The following ERC2 variants were observed in gnomAD, a reference collection of about 807,000 sequenced individuals.
The protein encoded by ERC2 is ELKS/RAB6-interacting/CAST family member 2.
Under a neutral mutation model 114.8 loss-of-function variants are expected in ERC2, and 42 were observed. The observed-to-expected ratio is 0.37, with a 90% CI of 0.29 to 0.47. The LOEUF (loss-of-function observed/expected upper bound fraction) is 0.47. ERC2 is among the 20% of genes least tolerant of loss of function. The probability of loss-of-function intolerance (pLI) is 0.99; values close to 1 mark genes in which losing one functional copy is unlikely to be tolerated. For synonymous variants in ERC2, 454 were observed against 425.5 expected, an observed-to-expected ratio of 1.07 and a Z score of -0.82; for missense variants, 939 against 1,150.7, an observed-to-expected ratio of 0.82 and a Z score of 2.66.
chr3:55,946,285 A>T (rs552999824), intron 13 of ERC2, among the ~76,000 whole-genome samples: 12 of 152,312 alleles, frequency 7.9e-5, no homozygotes, highest in African/African-American at 2.9e-4. Flanking sequence ...CAAGAAAATC[A>T]CGATCTTTCA....
At chr3:56,362,546 A>C (rs951311793) in intron 2 of ERC2, among the ~76,000 whole-genome samples, 8 of 152,244 alleles carry the variant, frequency 5.3e-5, no homozygotes, top group Non-Finnish European at 1.0e-4. Context: ...GCCACACTCT[A>C]GTTCTGGAAT....
rs1321336686 is a variant in ERC2, at chr3:55,853,233, A to T, written c.2564+35156T>A. The stretch of plus-strand genomic sequence containing the variant: ...CTGAAAATTAAAAGATACACATAGA[A>T]AGCACTCAGGAGGCTGGGTGTGGTG... On this transcript the variant is annotated intron_variant, in intron 14 of 17. Transcript: ENST00000288221. Among the ~76,000 whole-genome samples, 3 of 152,160 alleles carry T rather than the reference A, an allele frequency of 2.0e-5. No individual in the cohort carries two copies. The East Asian group carries it at 5.8e-4, about 29-fold the overall frequency.
chr3:55,525,478 T>A (rs641035), intron 17 of ERC2, among the ~76,000 whole-genome samples: 57,897 of 151,990 alleles, frequency 0.38, 12,081 homozygotes, highest in African/African-American at 0.56. Context: ...CCAGCAAACA[T>A]TCCTCATAGA....
At chr3:56,387,933 ATCT>A (rs1232294388) in intron 2 of ERC2, among the ~76,000 whole-genome samples, 6 of 152,158 alleles carry the variant, frequency 3.9e-5, no homozygotes, top group Non-Finnish European at 7.3e-5. Context: ...ACAGATAAAT[ATCT>A]TCTTATTACA....
chr3:55,666,130 C>T (rs1169340694), intron 17 of ERC2, among the ~76,000 whole-genome samples: 2 of 152,164 alleles, frequency 1.3e-5, no homozygotes, highest in Non-Finnish European at 2.9e-5. Flanking sequence ...GAAACAGGCA[C>T]TCAGATTAAA....
chr3:56,222,473 C>T (rs2049976153), intron 3 of ERC2, among the ~76,000 whole-genome samples: 1 of 152,190 alleles, frequency 6.6e-6, no homozygotes, highest in African/African-American at 2.4e-5. Context: ...TTATTCTTCT[C>T]TCAATTCTCA....
chr3:56,152,718 GA>G (rs1256445734), intron 4 of ERC2, among the ~76,000 whole-genome samples: 8 of 152,116 alleles, frequency 5.3e-5, no homozygotes, highest in Middle Eastern at 6.8e-3. Context: ...CTTCAGTTAG[GA>G]AAAAAGATCT....
intron 12 of ERC2, among the ~76,000 whole-genome samples, chr3:55,984,035 A>C (rs559306132): frequency 6.6e-6 from 1 of 152,328 alleles, no homozygotes; most frequent in African/African-American, 2.4e-5. Flanking sequence ...CTACACTAAA[A>C]ATATAACCAG....
intron 3 of ERC2, among the ~76,000 whole-genome samples, chr3:56,285,878 G>A (rs2054665149): frequency 1.3e-5 from 2 of 152,166 alleles, no homozygotes; most frequent in South Asian, 4.1e-4. Context: ...GGAGGAGGAG[G>A]AATAGGAGGA....
intron 3 of ERC2, among the ~76,000 whole-genome samples, chr3:56,242,424 T>G (rs1026049747): frequency 6.6e-6 from 1 of 152,112 alleles, no homozygotes; most frequent in African/African-American, 2.4e-5. Flanking sequence ...GACTTATCCA[T>G]ATAACCAAAA....
intron 13 of ERC2, among the ~76,000 whole-genome samples, chr3:55,916,603 T>C (rs551715079): frequency 6.6e-6 from 1 of 152,288 alleles, no homozygotes; most frequent in South Asian, 2.1e-4. Context: ...GCACTGAGCG[T>C]GTTCCCACTG....
chr3:56,426,739 A>G (rs1454421662), intron 2 of ERC2, among the ~76,000 whole-genome samples: 2 of 152,236 alleles, frequency 1.3e-5, no homozygotes. Flanking sequence ...GTTTAACCCA[A>G]CTAAGTTGTA....
At chr3:55,941,916 G>A (rs189050492) in intron 13 of ERC2, among the ~76,000 whole-genome samples, 3 of 152,156 alleles carry the variant, frequency 2.0e-5, no homozygotes, top group Non-Finnish European at 4.4e-5. Context: ...CACAGGAAAT[G>A]ATAGAATATC....
At chr3:56,202,501 C>CT (rs11457828) in intron 3 of ERC2, among the ~76,000 whole-genome samples, 7,182 of 141,074 alleles carry the variant, frequency 0.051, 281 homozygotes, top group African/African-American at 0.096. Context: ...TAAACTCAAG[C>CT]TTTTTTTTTT....
At chr3:55,527,453 G>A (rs979827430) in intron 17 of ERC2, among the ~76,000 whole-genome samples, 1 of 152,154 alleles carries the variant, frequency 6.6e-6, no homozygotes, top group African/African-American at 2.4e-5. Context: ...GATGAGAGAA[G>A]AGAACGTAGC....
intron 17 of ERC2, among the ~76,000 whole-genome samples, chr3:55,528,177 G>C (rs767998011): frequency 6.6e-6 from 1 of 152,166 alleles, no homozygotes; most frequent in Non-Finnish European, 1.5e-5. Context: ...GGTTCCTTTA[G>C]AACAACAAAG....
At chr3:56,405,171 C>T (rs1007776885) in intron 2 of ERC2, among the ~76,000 whole-genome samples, 6 of 152,144 alleles carry the variant, frequency 3.9e-5, no homozygotes, top group African/African-American at 1.4e-4. Flanking sequence ...AGGCCAGGCA[C>T]GTTGGCTCAT....
intron 3 of ERC2, among the ~76,000 whole-genome samples, chr3:56,243,770 G>A (rs553365279): frequency 6.6e-6 from 1 of 152,254 alleles, no homozygotes; most frequent in African/African-American, 2.4e-5. Context: ...GCTCTATAAG[G>A]GGAGCTATTG....
At position 56,324,791 on chromosome 3, in the gene ERC2, C is replaced by T. The variant is rs533610450; in HGVS notation, c.658-28356G>A. Among the ~76,000 whole-genome samples the T allele has an allele frequency of 2.0e-5, 3 of 152,190 alleles. No homozygotes were observed. The South Asian group carries it at 6.2e-4, about 32-fold the overall frequency. ...CCTGACTACCTCTGAGACCTCATTTCCTCTGGCTCTCACCTTCATTCACTT... is the reference window on the plus strand; with the variant it reads ...CCTGACTACCTCTGAGACCTCATTTTCTCTGGCTCTCACCTTCATTCACTT... On this transcript the variant is annotated intron_variant, in intron 2 of 17. Coordinates refer to ENST00000288221, the MANE Select transcript of ERC2 (RefSeq NM_015576.3).
Sources: allele counts gnomAD v4.1 joint callset (sites outside exome capture counted in the v4.1 genomes callset), GRCh38; gene constraint gnomAD v4.1.1; transcripts MANE v1.5; gene names NCBI Gene and HGNC (gene_info 2026-07-23, HGNC 2026-07-21).